GPRC6A: variants seen among roughly 807,000 people sequenced by gnomAD.
GPRC6A encodes the protein G protein-coupled receptor class C group 6 member A, also known as G protein-coupled receptor family C group 6 member A.
In GPRC6A, 54 loss-of-function variants were observed where a neutral mutation model predicts 47.0. The observed-to-expected ratio is 1.15, with a 90% CI of 0.92 to 1.44. GPRC6A has a LOEUF of 1.44. GPRC6A is among the 40% of genes most tolerant of loss of function. The pLI, the probability that GPRC6A is intolerant of heterozygous loss-of-function variation, is 0.00. For missense variants in GPRC6A, 1,112 were observed against 1,105.5 expected (o/e 1.01, Z -0.08); for synonymous variants, 347 against 377.1 (o/e 0.92, Z 0.93).
chr6:116,818,003 A>G (rs1344837011), intron 1 of GPRC6A, among the ~76,000 whole-genome samples: 1 of 152,130 alleles, frequency 6.6e-6, no homozygotes, highest in Non-Finnish European at 1.5e-5. Context: ...AAGGCAGGCC[A>G]ATGTTCAGAT....
In GPRC6A at chr6:116,806,976, C is replaced by G. The variant is rs747360155; in HGVS notation, c.729G>C (p.Glu243Asp). The change falls in exon 3 of 6, where the codon GAG (glutamate) becomes GAC (aspartate). Residue 243 changes from glutamate to aspartate, a missense_variant. Physicochemically the swap from Glu to Asp is conservative, Grantham distance 45. Coordinates refer to ENST00000310357, the MANE Select transcript of GPRC6A (RefSeq NM_148963.4). ...TATCTGAAAGAAAGGCTGGAAGAAC[C>G]TCTTTGAAGGCTATGCACACGTTAT... Reference protein sequence around the residue: ...EANNVCIAFKEVLPAFLSDNT... With the variant: ...EANNVCIAFKDVLPAFLSDNT... The G allele has an allele frequency of 1.9e-6, 3 of 1,613,434 alleles. No homozygotes were observed. Among genetic ancestry groups the G allele is most frequent in the South Asian group, 2.2e-5 (2 of 91,068 alleles).
At chr6:116,795,434 T>C (rs981384107) in intron 5 of GPRC6A, among the ~76,000 whole-genome samples, 7 of 152,174 alleles carry the variant, frequency 4.6e-5, no homozygotes, top group Admixed American at 1.3e-4. Context: ...TGCATCACTT[T>C]AAGAGTTGCA....
intron 5 of GPRC6A, 53 bp downstream of exon 5, chr6:116,795,659 A>C: frequency 7.1e-7 from 1 of 1,415,464 alleles, no homozygotes; most frequent in African/African-American, 1.4e-5. Context: ...CATGCAAAGA[A>C]AAAAAAAGCC....
intron 4 of GPRC6A, among the ~76,000 whole-genome samples, chr6:116,798,066 G>A (rs1772543871): frequency 6.6e-6 from 1 of 152,188 alleles, no homozygotes; most frequent in Non-Finnish European, 1.5e-5. Context: ...AAGCCACAGT[G>A]GGGAATGAAA....
intron 5 of GPRC6A, among the ~76,000 whole-genome samples, chr6:116,793,909 G>A (rs938332397): frequency 5.9e-5 from 9 of 152,164 alleles, no homozygotes; most frequent in South Asian, 2.1e-4. Flanking sequence ...GTGAGATAAT[G>A]CAAAATTGTA....
At chr6:116,798,513 C>T (rs1339918625) in intron 4 of GPRC6A, among the ~76,000 whole-genome samples, 1 of 151,980 alleles carries the variant, frequency 6.6e-6, no homozygotes, top group Non-Finnish European at 1.5e-5. Flanking sequence ...CTTTTACTCT[C>T]AGAGAAATAG....
At chr6:116,793,860 G>A (rs1772395318) in intron 5 of GPRC6A, among the ~76,000 whole-genome samples, 1 of 152,166 alleles carries the variant, frequency 6.6e-6, no homozygotes, top group Non-Finnish European at 1.5e-5. Flanking sequence ...GAGGCAATAT[G>A]GCTAGGTCAC....
chr6:116,808,146 C>T (rs1772913472), intron 2 of GPRC6A, among the ~76,000 whole-genome samples: 2 of 151,974 alleles, frequency 1.3e-5, no homozygotes, highest in South Asian at 4.1e-4. Flanking sequence ...AAGATTCTTG[C>T]TAAGATTAAA....
At chr6:116,801,135 C>T (rs1479537445) in intron 3 of GPRC6A, among the ~76,000 whole-genome samples, 2 of 152,176 alleles carry the variant, frequency 1.3e-5, no homozygotes, top group African/African-American at 2.4e-5. Context: ...TTCCATCTCT[C>T]ATCAATGCAA....
intron 1 of GPRC6A, among the ~76,000 whole-genome samples, chr6:116,816,361 A>G (rs1313881584): frequency 6.6e-6 from 1 of 152,352 alleles, no homozygotes; most frequent in South Asian, 2.1e-4. Flanking sequence ...GGCCCATGTA[A>G]ATCCCAAACC....
chr6:116,805,300 A>T (rs565283003), intron 3 of GPRC6A, among the ~76,000 whole-genome samples: 12 of 152,022 alleles, frequency 7.9e-5, no homozygotes, highest in African/African-American at 2.6e-4. Flanking sequence ...CCATTGCATG[A>T]TCCTCCCAAA....
At chr6:116,811,933 G>C (rs547628483) in intron 1 of GPRC6A, among the ~76,000 whole-genome samples, 3 of 152,062 alleles carry the variant, frequency 2.0e-5, no homozygotes, top group East Asian at 3.8e-4. Flanking sequence ...AAGGTAAAGA[G>C]ATATTGAAAT....
intron 1 of GPRC6A, among the ~76,000 whole-genome samples, chr6:116,818,724 G>T (rs1183935704): frequency 6.6e-6 from 1 of 151,188 alleles, no homozygotes; most frequent in Non-Finnish European, 1.5e-5. Flanking sequence ...ACATGGAAGG[G>T]AACAATGGGT....
In GPRC6A at chr6:116,792,874, T is replaced by G; in HGVS notation, c.2049A>C (p.Lys683Asn). ...GATCAAAGCTGAAGGCTAGCAAAAT[T>G]TTCAGAGACTTCGTCAAAATGCAGG... is the stretch of plus-strand genomic sequence containing the variant. ...CISCILTKSL[K>N]ILLAFSFDPK... The change falls in exon 6 of 6, where the codon AAA becomes AAC. Residue 683 changes from lysine (K) to asparagine (N), a missense_variant. Transcript: ENST00000310357. The G allele has an allele frequency of 6.2e-7, 1 of 1,614,068 alleles. No individual in the cohort carries two copies. The highest frequency in any genetic ancestry group is 8.5e-7 in the Non-Finnish European group (1 of 1,179,992).
intron 1 of GPRC6A, among the ~76,000 whole-genome samples, chr6:116,811,039 C>G (rs1773006727): frequency 6.6e-6 from 1 of 152,144 alleles, no homozygotes; most frequent in Non-Finnish European, 1.5e-5. Context: ...GTATACTGCC[C>G]TGGGACACAA....
At chr6:116,800,867 A>G (rs1772654123) in intron 3 of GPRC6A, 71 bp from the exon 4 acceptor site, 1 of 866,932 alleles carries the variant, frequency 1.2e-6, no homozygotes. Flanking sequence ...TCTAATGATA[A>G]CACTGCCTTA....
rs768810593 is a variant in GPRC6A at position 116,801,154 on chromosome 6, A to C, written c.1336-358T>G. Reference sequence around the variant, plus strand: ...ATCTCTCATCAATGCAAGTACAATTACTTTCTATCTGATTATCTCCAATGG... The same window carrying C: ...ATCTCTCATCAATGCAAGTACAATTCCTTTCTATCTGATTATCTCCAATGG... On this transcript the variant is annotated intron_variant, in intron 3 of 5. Coordinates refer to ENST00000310357, the MANE Select transcript of GPRC6A (RefSeq NM_148963.4). Among the ~76,000 whole-genome samples, 3 of 152,168 alleles carry C rather than the reference A, an allele frequency of 2.0e-5. No homozygotes were observed. The South Asian group carries it at 6.2e-4, about 31-fold the overall frequency.
intron 1 of GPRC6A, among the ~76,000 whole-genome samples, chr6:116,812,137 C>T (rs1227375797): frequency 2.0e-5 from 3 of 152,102 alleles, no homozygotes; most frequent in Non-Finnish European, 4.4e-5. Flanking sequence ...AGAATTTAGT[C>T]ACCTCTAAAG....
chr6:116,817,082 C>CCTCTGT, intron 1 of GPRC6A, among the ~76,000 whole-genome samples: 1 of 152,250 alleles, frequency 6.6e-6, no homozygotes, highest in South Asian at 2.1e-4. Context: ...CCTCTGGGGG[C>CCTCTGT]AGGGCACAGA....
Sources: allele counts gnomAD v4.1 joint callset (sites outside exome capture counted in the v4.1 genomes callset), GRCh38; gene constraint gnomAD v4.1.1; transcripts MANE v1.5; gene names NCBI Gene and HGNC (gene_info 2026-07-23, HGNC 2026-07-21).